TTC39B: variants seen among roughly 807,000 people sequenced by gnomAD.
The protein encoded by TTC39B is tetratricopeptide repeat protein 39B.
A neutral mutation model predicts 96.6 loss-of-function variants in TTC39B; 92 were observed. That is an observed-to-expected ratio of 0.95 (90% CI 0.80 to 1.13). The LOEUF is 1.13. TTC39B is among the 50% of genes most tolerant of loss of function. The pLI is 0.00. For missense variants in TTC39B, 955 were observed against 809.3 expected (o/e 1.18, Z -2.18); for synonymous variants, 367 against 299.4 (o/e 1.23, Z -2.33).
chr9:15,228,782 A>C (rs757142774), intron 2 of TTC39B, among the ~76,000 whole-genome samples: 97 of 152,338 alleles, frequency 6.4e-4, no homozygotes, highest in Admixed American at 2.8e-3. Flanking sequence ...ACTGTGCCTA[A>C]ATTAATCTGT....
At chr9:15,269,697 A>C (rs1282030379) in intron 1 of TTC39B, among the ~76,000 whole-genome samples, 1 of 150,000 alleles carries the variant, frequency 6.7e-6, no homozygotes. Context: ...ACTAAAAAAT[A>C]CAAAAAAATT....
At chr9:15,264,430 G>A (rs961434287) in intron 2 of TTC39B, among the ~76,000 whole-genome samples, 1 of 152,206 alleles carries the variant, frequency 6.6e-6, no homozygotes, top group African/African-American at 2.4e-5. Context: ...AAGGCAGGTG[G>A]ATCACCTGAG....
chr9:15,246,676 G>A (rs923289129), intron 2 of TTC39B, among the ~76,000 whole-genome samples: 2 of 152,202 alleles, frequency 1.3e-5, no homozygotes, highest in Non-Finnish European at 2.9e-5. Context: ...GCTATGCTGT[G>A]AGGAAGCTCA....
At chr9:15,207,827 AC>A (rs1257371614) in intron 6 of TTC39B, among the ~76,000 whole-genome samples, 33 of 151,264 alleles carry the variant, frequency 2.2e-4, no homozygotes, top group African/African-American at 7.5e-4. Context: ...TACTAAAAAT[AC>A]AAAAAATTAG....
intron 19 of TTC39B, among the ~76,000 whole-genome samples, chr9:15,173,085 T>A (rs1817746724): frequency 6.6e-6 from 1 of 152,208 alleles, no homozygotes. Flanking sequence ...AGGCTTTTCA[T>A]TGCTTTTTAG....
chr9:15,182,352 G>A (rs1818291926), exon 17 of TTC39B: 1 of 1,612,124 alleles, frequency 6.2e-7, no homozygotes, highest in Admixed American at 1.7e-5. Flanking sequence ...GTTACTAACA[G>A]ATTTTCAGAA....
chr9:15,283,056 G>A (rs770686287), intron 1 of TTC39B, among the ~76,000 whole-genome samples: 39 of 152,028 alleles, frequency 2.6e-4, no homozygotes, highest in Non-Finnish European at 4.3e-4. Context: ...CCCTCCAGGC[G>A]GCATTTACCA....
intron 4 of TTC39B, among the ~76,000 whole-genome samples, chr9:15,212,831 G>T (rs370064932): frequency 1.3e-5 from 2 of 152,174 alleles, no homozygotes; most frequent in African/African-American, 4.8e-5. Context: ...AGAAAGACTC[G>T]TTTGAATAAA....
chr9:15,210,058 G>GA, intron 6 of TTC39B, 30 bp downstream of exon 6: 1 of 1,498,522 alleles, frequency 6.7e-7, no homozygotes, highest in Admixed American at 1.9e-5. Context: ...TAAAATCAAG[G>GA]AAAAAAGTGA....
chr9:15,305,755 C>G (rs1186335292), intron 1 of TTC39B, among the ~76,000 whole-genome samples: 1 of 150,606 alleles, frequency 6.6e-6, no homozygotes. Context: ...AAAGTATCTC[C>G]GAAACAGTCC....
At chr9:15,214,471 C>G (rs1441973378) in intron 3 of TTC39B, among the ~76,000 whole-genome samples, 2 of 152,004 alleles carry the variant, frequency 1.3e-5, no homozygotes, top group African/African-American at 4.8e-5. Flanking sequence ...TAGAGGAGAC[C>G]TCTACAGGTA....
Position 15,167,023 on chromosome 9 carries a change from TA to T in TTC39B, c.*4995del, listed in dbSNP as rs1564299974. On this transcript the variant is annotated 3_prime_UTR_variant, in exon 20 of 20. Transcript: ENST00000512701. ...ATATATATATATATATATATATATA[TA>T]TATATTTTTTTTTTTTTTTTTTTTT... 4.5e-3 allele frequency: 61 copies of T among 13,668 alleles called. 2 individuals are homozygous for T. The highest frequency in any genetic ancestry group is 5.5e-3 in the Non-Finnish European group (43 of 7,812). 0.8% of individuals were successfully genotyped at this position (13,668 alleles called of 1,614,324 possible).
At chr9:15,194,797 A>G (rs1365790071) in intron 8 of TTC39B, among the ~76,000 whole-genome samples, 1 of 152,192 alleles carries the variant, frequency 6.6e-6, no homozygotes, top group African/African-American at 2.4e-5. Flanking sequence ...CCTGAACCAC[A>G]CCCATATAAG....
chr9:15,235,236 C>T (rs1821723709), intron 2 of TTC39B, among the ~76,000 whole-genome samples: 1 of 151,992 alleles, frequency 6.6e-6, no homozygotes, highest in Non-Finnish European at 1.5e-5. Flanking sequence ...GAAGACCCAT[C>T]TTTCAAATTA....
At chr9:15,166,107 G>C (rs1250833092) in exon 20 of TTC39B, 1 of 152,038 alleles carries the variant, frequency 6.6e-6, no homozygotes. Context: ...CCTTAAATTT[G>C]TTGTTTAAAT....
intron 6 of TTC39B, among the ~76,000 whole-genome samples, chr9:15,209,325 T>C (rs998200900): frequency 6.6e-6 from 1 of 152,174 alleles, no homozygotes; most frequent in Non-Finnish European, 1.5e-5. Context: ...TCCTCCCATC[T>C]ATCTGATCAG....
chr9:15,163,713 T>C (rs578178811), exon 20 of TTC39B: 58 of 152,278 alleles, frequency 3.8e-4, no homozygotes, highest in South Asian at 2.1e-4. Context: ...TTTGAGAAAA[T>C]CTGGCAAATT....
intron 2 of TTC39B, among the ~76,000 whole-genome samples, chr9:15,245,501 T>A (rs968098449): frequency 2.6e-5 from 4 of 152,058 alleles, no homozygotes; most frequent in Admixed American, 6.6e-5. Flanking sequence ...GCTATTACTT[T>A]AAAAAATAAA....
At chr9:15,240,113 T>C (rs1489691798) in intron 2 of TTC39B, among the ~76,000 whole-genome samples, 1 of 151,912 alleles carries the variant, frequency 6.6e-6, no homozygotes, top group Non-Finnish European at 1.5e-5. Flanking sequence ...AAGGAGGAGG[T>C]GCTGCTGCTG....
Sources: gnomAD v4.1 joint callset for allele counts (sites outside exome capture counted in the v4.1 genomes callset) on GRCh38, gnomAD v4.1.1 for gene constraint, MANE v1.5 for transcripts, NCBI Gene and HGNC (gene_info 2026-07-23, HGNC 2026-07-21) for gene names.